Variants in SHROOM3 observed in about 807,000 individuals in gnomAD.
The protein encoded by SHROOM3 is shroom family member 3.
A neutral mutation model predicts 138.6 loss-of-function variants in SHROOM3; 47 were observed. That is an observed-to-expected ratio of 0.34 (90% CI 0.27 to 0.43). The LOEUF is 0.43. SHROOM3 is among the 20% of genes least tolerant of loss of function. The probability of loss-of-function intolerance (pLI) is 1.00; values close to 1 mark genes in which losing one functional copy is unlikely to be tolerated. For synonymous variants in SHROOM3, 1,062 were observed against 1,063.3 expected (o/e 1.00, Z 0.02); for missense variants, 2,491 against 2,596.5 (o/e 0.96, Z 0.88).
At chr4:76,690,471 A>G (rs1010283205) in intron 2 of SHROOM3, among the ~76,000 whole-genome samples, 1 of 152,224 alleles carries the variant, frequency 6.6e-6, no homozygotes, top group Non-Finnish European at 1.5e-5. Flanking sequence ...GGTCATCTCC[A>G]TGGAGAGATT....
At position 76,740,007 on chromosome 4, in the gene SHROOM3, C is replaced by G; in HGVS notation, c.1834C>G (p.Gln612Glu). 1 of 1,614,000 alleles carries G rather than the reference C, an allele frequency of 6.2e-7. No homozygotes were observed. Among genetic ancestry groups the G allele is most frequent in the Non-Finnish European group, 8.5e-7 (1 of 1,180,046 alleles). Residue 612 changes from glutamine (Q) to glutamate (E), a missense_variant, in exon 5 of 11, where the codon CAA becomes GAA. Physicochemically the swap from Gln to Glu is conservative, Grantham distance 29 (BLOSUM62 2). Around this residue, in one of 4 missense-constraint regions of SHROOM3, gnomAD observed 1,733 missense variants for 1,661.6 expected, o/e 1.04. Coordinates refer to ENST00000296043, the MANE Select transcript of SHROOM3 (RefSeq NM_020859.4). This position sits in a 1 kb window ranked among gnomAD's most constrained non-coding sequence, Gnocchi z 4.0. ...SLKCPQAQAW[Q>E]AGEDKRSSRL... ...CAAATGCCCTCAGGCTCAGGCCTGG[C>G]AAGCGGGTGAAGACAAGAGATCTTC...
intron 1 of SHROOM3, among the ~76,000 whole-genome samples, chr4:76,489,105 T>C (rs1414777871): frequency 6.6e-6 from 1 of 152,172 alleles, no homozygotes; most frequent in East Asian, 1.9e-4. Flanking sequence ...AATGAACTGG[T>C]GAACTGAGGC....
chr4:76,739,704 A>T lies in SHROOM3; in HGVS notation c.1531A>T (p.Met511Leu). The change falls in exon 5 of 11, where the codon ATG becomes TTG. Residue 511 changes from methionine to leucine, a missense_variant. Met to Leu is a conservative substitution (Grantham distance 15). This residue lies in a region of SHROOM3 where 1,733 missense variants were observed against 1,661.6 expected (regional missense o/e 1.04). Coordinates refer to ENST00000296043, the MANE Select transcript of SHROOM3 (RefSeq NM_020859.4). Reference protein sequence around the residue: ...YIAPQGACNKMATIDENGNQN... With the variant: ...YIAPQGACNKLATIDENGNQN... ...AGCCCCTCAGGGAGCATGCAACAAG[A>T]TGGCTACCATTGATGAGAATGGGAA... 10 of 1,614,188 alleles carry T rather than the reference A, an allele frequency of 6.2e-6. No individual in the cohort carries two copies. The highest frequency in any genetic ancestry group is 8.5e-6 in the Non-Finnish European group (10 of 1,180,042).
intron 1 of SHROOM3, among the ~76,000 whole-genome samples, chr4:76,514,434 G>A (rs1371913953): frequency 2.0e-5 from 3 of 152,168 alleles, no homozygotes; most frequent in Non-Finnish European, 4.4e-5. Flanking sequence ...GAAATGCCCA[G>A]AACAGGCAAA....
chr4:76,575,119 G>A (rs990284406), intron 2 of SHROOM3, among the ~76,000 whole-genome samples: 7 of 152,198 alleles, frequency 4.6e-5, no homozygotes, highest in Non-Finnish European at 7.3e-5. Flanking sequence ...TTCAAGTGAA[G>A]CTGAAAAAGC....
At chr4:76,551,936 A>C (rs943397644) in intron 1 of SHROOM3, among the ~76,000 whole-genome samples, 18 of 150,844 alleles carry the variant, frequency 1.2e-4, no homozygotes, top group African/African-American at 4.4e-4. Flanking sequence ...ATCTCGGCTC[A>C]CTGCAAGCTC....
At chr4:76,492,405 T>C (rs765855808) in intron 1 of SHROOM3, among the ~76,000 whole-genome samples, 13 of 152,208 alleles carry the variant, frequency 8.5e-5, no homozygotes, top group Non-Finnish European at 1.9e-4. Context: ...CAAAATGAGA[T>C]TCAAAAGGTA....
At chr4:76,599,274 G>C (rs1734454317) in intron 2 of SHROOM3, among the ~76,000 whole-genome samples, 1 of 152,108 alleles carries the variant, frequency 6.6e-6, no homozygotes, top group South Asian at 2.1e-4. Context: ...AGTAGCTTTT[G>C]AGACAGACGA....
intron 3 of SHROOM3, among the ~76,000 whole-genome samples, chr4:76,716,749 G>A (rs968669669): frequency 5.9e-5 from 9 of 152,080 alleles, no homozygotes; most frequent in Non-Finnish European, 1.2e-4. Context: ...TGTACCTCAC[G>A]GTTTTCCTTC....
intron 1 of SHROOM3, among the ~76,000 whole-genome samples, chr4:76,550,337 G>C (rs1733323502): frequency 6.6e-6 from 1 of 152,140 alleles, no homozygotes; most frequent in African/African-American, 2.4e-5. Flanking sequence ...TGACCTCAAA[G>C]AGTTTAGGAC....
chr4:76,555,769 T>G lies in SHROOM3; in HGVS notation c.323+6T>G, dbSNP rs759483140. ...CTCAGGCTGGTAGTGCGCAGGTAGGTGGCAGACCCCCACCCTGTCCCTCCT... is the reference window on the plus strand; with the variant it reads ...CTCAGGCTGGTAGTGCGCAGGTAGGGGGCAGACCCCCACCCTGTCCCTCCT... On this transcript the variant is annotated splice_donor_region_variant and intron_variant, in intron 2 of 10. Transcript: ENST00000296043. 1 of 1,611,580 alleles carries G rather than the reference T, an allele frequency of 6.2e-7. No individual in the cohort carries two copies. Among genetic ancestry groups the G allele is most frequent in the South Asian group, 1.1e-5 (1 of 91,030 alleles).
intron 2 of SHROOM3, among the ~76,000 whole-genome samples, chr4:76,629,504 T>A (rs141035965): frequency 1.1e-4 from 17 of 152,330 alleles, no homozygotes; most frequent in Admixed American, 2.6e-4. Context: ...TATTTTAGAA[T>A]AATCACTCTG....
chr4:76,565,093 G>A (rs559614877), intron 2 of SHROOM3, among the ~76,000 whole-genome samples: 1 of 150,594 alleles, frequency 6.6e-6, no homozygotes, highest in Non-Finnish European at 1.5e-5. Flanking sequence ...CCCAGGAGGC[G>A]GAGGTTGCAG....
chr4:76,693,789 C>A (rs1719640514), intron 2 of SHROOM3, among the ~76,000 whole-genome samples: 1 of 149,376 alleles, frequency 6.7e-6, no homozygotes, highest in East Asian at 2.0e-4. Flanking sequence ...AAGTAAACTC[C>A]AAAGAGAGGA....
At position 76,436,142 on chromosome 4, in the gene SHROOM3, A is replaced by G; in HGVS notation, c.90A>G (p.Ala30=). The part of the protein sequence containing the change: ...ATKGRYIYLE[A]FLEGGAPWGF... ...AGGGAAGGTACATTTATCTGGAGGC[A>G]TTCCTGGAGGGAGGAGCTCCCTGGG... The change falls in exon 1 of 11, where the codon GCA becomes GCG. Residue 30 remains alanine (A), a synonymous_variant. Transcript: ENST00000296043. 1.9e-6 allele frequency: 3 copies of G among 1,614,026 alleles called. No individual in the cohort carries two copies. The highest frequency in any genetic ancestry group is 2.5e-6 in the Non-Finnish European group (3 of 1,179,926).
In SHROOM3 at chr4:76,739,712, C is replaced by T. The variant is rs1313390665; in HGVS notation, c.1539C>T (p.Thr513=). The T allele has an allele frequency of 1.2e-6, 2 of 1,614,166 alleles. No homozygotes were observed. Among genetic ancestry groups the T allele is most frequent in the Non-Finnish European group, 1.7e-6 (2 of 1,180,044 alleles). ...APQGACNKMA[T]IDENGNQNGS... is the part of the protein sequence containing the mutation. ...AGGGAGCATGCAACAAGATGGCTAC[C>T]ATTGATGAGAATGGGAACCAGAATG... The change falls in exon 5 of 11, where the codon ACC becomes ACT. Residue 513 remains threonine, a synonymous_variant. Coordinates refer to ENST00000296043, the MANE Select transcript of SHROOM3 (RefSeq NM_020859.4).
Position 76,608,595 on chromosome 4 carries a change from C to CATTGGACAGAGATGGT in SHROOM3, c.323+52834_323+52835insTGGACAGAGATGGTAT, listed in dbSNP as rs1560563190. Among the ~76,000 whole-genome samples the CATTGGACAGAGATGGT allele has an allele frequency of 9.7e-4, 104 of 107,134 alleles. 1 individual carries two copies. Among genetic ancestry groups the CATTGGACAGAGATGGT allele is most frequent in the African/African-American group, 3.2e-3 (95 of 29,368 alleles). 70.3% of individuals were successfully genotyped at this position (107,134 alleles called of 152,430 possible). ...CATAGCATAGCATAGCATAGCATAG[C>CATTGGACAGAGATGGT]ATAGCATAGCATAGCATTGGACAGA... On this transcript the variant is annotated intron_variant, in intron 2 of 10. Transcript: ENST00000296043.
At chr4:76,626,111 T>C (rs958710092) in intron 2 of SHROOM3, among the ~76,000 whole-genome samples, 1 of 152,198 alleles carries the variant, frequency 6.6e-6, no homozygotes, top group Non-Finnish European at 1.5e-5. Context: ...AGATTTAAAA[T>C]TGAAGCACAA....
At chr4:76,637,317 C>T (rs929360699) in intron 2 of SHROOM3, among the ~76,000 whole-genome samples, 3 of 152,214 alleles carry the variant, frequency 2.0e-5, no homozygotes, top group African/African-American at 7.2e-5. Flanking sequence ...GCAATAGGCA[C>T]AGGCTCTCTG....
Sources: gnomAD v4.1 joint callset for allele counts (sites outside exome capture counted in the v4.1 genomes callset) on GRCh38, gnomAD v4.1.1 for gene constraint, gnomAD v4.1.1 regional missense constraint, Gnocchi (gnomAD v3.1) non-coding constraint, MANE v1.5 for transcripts, NCBI Gene and HGNC (gene_info 2026-07-23, HGNC 2026-07-21) for gene names.